Variants in XKR4 observed in about 807,000 individuals in gnomAD.
The protein encoded by XKR4 is XK related 4, also known as XK-related protein 4.
A neutral mutation model predicts 53.9 loss-of-function variants in XKR4; 12 were observed. That is an observed-to-expected ratio of 0.22 (90% CI 0.14 to 0.36). The LOEUF (loss-of-function observed/expected upper bound fraction) is 0.36. Ranked by LOEUF, XKR4 falls within the 10% of genes least tolerant of loss-of-function variation. XKR4 has a pLI of 1.00. For missense variants in XKR4, 799 were observed against 859.5 expected, an observed-to-expected ratio of 0.93 and a Z score of 0.88; for synonymous variants, 354 against 362.4, an observed-to-expected ratio of 0.98 and a Z score of 0.26.
chr8:55,456,476 T>A (rs1208757199), intron 2 of XKR4, among the ~76,000 whole-genome samples: 1 of 151,912 alleles, frequency 6.6e-6, no homozygotes, highest in Non-Finnish European at 1.5e-5. Context: ...AAAAAGAAAT[T>A]GACTCAGAGT....
At chr8:55,395,803 C>T (rs1804508345) in intron 2 of XKR4, among the ~76,000 whole-genome samples, 1 of 152,210 alleles carries the variant, frequency 6.6e-6, no homozygotes, top group African/African-American at 2.4e-5. Flanking sequence ...AGTGAAAAAA[C>T]TGCCTTAAAT....
intron 1 of XKR4, among the ~76,000 whole-genome samples, chr8:55,255,709 A>G (rs1376041182): frequency 6.6e-6 from 1 of 152,206 alleles, no homozygotes; most frequent in East Asian, 1.9e-4. Flanking sequence ...GAAAAACTAC[A>G]CAAATAGGAG....
At chr8:55,383,690 T>A (rs1161351569) in intron 2 of XKR4, among the ~76,000 whole-genome samples, 2 of 152,216 alleles carry the variant, frequency 1.3e-5, no homozygotes, top group Non-Finnish European at 2.9e-5. Flanking sequence ...TTTCATTTAA[T>A]CCTCCCAGTG....
chr8:55,439,589 G>A (rs774758490), intron 2 of XKR4, among the ~76,000 whole-genome samples: 9 of 152,316 alleles, frequency 5.9e-5, no homozygotes, highest in African/African-American at 1.7e-4. Flanking sequence ...AATAAAATTT[G>A]TATGTGTAGA....
chr8:55,236,729 G>C (rs1260860243), intron 1 of XKR4, among the ~76,000 whole-genome samples: 1 of 151,986 alleles, frequency 6.6e-6, no homozygotes, highest in Non-Finnish European at 1.5e-5. Context: ...CTTTTCTCCT[G>C]TTTCTCTTTG....
At chr8:55,243,530 T>A (rs567138642) in intron 1 of XKR4, among the ~76,000 whole-genome samples, 3 of 152,240 alleles carry the variant, frequency 2.0e-5, no homozygotes, top group Non-Finnish European at 4.4e-5. Context: ...GCTATAAACA[T>A]CTGTGTACAA....
chr8:55,142,097 A>G (rs1230140880), intron 1 of XKR4: 1 of 455,970 alleles, frequency 2.2e-6, no homozygotes, highest in African/African-American at 2.0e-5. Flanking sequence ...GCTGCTGGGG[A>G]GTCTTAACTA....
At chr8:55,324,763 CTT>C (rs1164865304) in intron 1 of XKR4, among the ~76,000 whole-genome samples, 1 of 152,138 alleles carries the variant, frequency 6.6e-6, no homozygotes, top group African/African-American at 2.4e-5. Context: ...CAGGAAATAA[CTT>C]TTCCAAGATC....
intron 1 of XKR4, among the ~76,000 whole-genome samples, chr8:55,233,381 C>A (rs1206297485): frequency 2.2e-5 from 3 of 137,482 alleles, no homozygotes; most frequent in Non-Finnish European, 4.9e-5. Flanking sequence ...CTGGGGCCAT[C>A]TGATCTTTTT....
intron 2 of XKR4, among the ~76,000 whole-genome samples, chr8:55,416,219 A>G (rs949859370): frequency 6.6e-6 from 1 of 152,222 alleles, no homozygotes; most frequent in Non-Finnish European, 1.5e-5. Context: ...CATAGGTAAT[A>G]AAGCTACAGA....
At chr8:55,302,941 A>G (rs1166165095) in intron 1 of XKR4, among the ~76,000 whole-genome samples, 1 of 152,236 alleles carries the variant, frequency 6.6e-6, no homozygotes, top group Non-Finnish European at 1.5e-5. Flanking sequence ...GCCATCTGCA[A>G]ACAGGGACAA....
At chr8:55,443,855 G>GAAAAAAAAAAAAAAAAAAA (rs1006244285) in intron 2 of XKR4, among the ~76,000 whole-genome samples, 1 of 29,846 alleles carries the variant, frequency 3.4e-5, no homozygotes, top group Non-Finnish European at 5.8e-5. Flanking sequence ...AAAAAAAAAA[G>GAAAAAAAAAAAAAAAAAAA]AAAGAAAAGA....
chr8:55,293,044 A>AT (rs142074940), intron 1 of XKR4, among the ~76,000 whole-genome samples: 17,376 of 152,060 alleles, frequency 0.11, 1,927 homozygotes, highest in African/African-American at 0.29. Flanking sequence ...TTTAAAATCC[A>AT]TATAGTTTGG....
intron 1 of XKR4, among the ~76,000 whole-genome samples, chr8:55,315,748 G>T (rs565808459): frequency 1.3e-5 from 2 of 152,262 alleles, no homozygotes; most frequent in East Asian, 3.9e-4. Flanking sequence ...AACCCCCAAG[G>T]TGTGTTTAAT....
chr8:55,435,755 A>G (rs961394287), intron 2 of XKR4, among the ~76,000 whole-genome samples: 1 of 151,896 alleles, frequency 6.6e-6, no homozygotes, highest in Non-Finnish European at 1.5e-5. Flanking sequence ...TTTTATTGTG[A>G]TAAGGTCTTG....
rs1805321771 is a variant in XKR4, at chr8:55,444,803, C to T, written c.1007-78478C>T. On this transcript the variant is annotated intron_variant, in intron 2 of 2. Transcript: ENST00000327381. ...ATCATCTATTAAAGTTTAATATACA[C>T]AGCCCCAAAACTCAGCAATTCTTTT... 2.6e-5 allele frequency among the ~76,000 whole-genome samples: 4 copies of T among 152,312 alleles called. No homozygotes were observed. The South Asian group carries it at 8.3e-4, about 32-fold the overall frequency.
intron 1 of XKR4, among the ~76,000 whole-genome samples, chr8:55,247,384 T>C (rs767728645): frequency 9.2e-4 from 140 of 152,246 alleles, no homozygotes; most frequent in Non-Finnish European, 1.7e-3. Flanking sequence ...TAATAGACTT[T>C]ATATGACATT....
chr8:55,364,332 G>C lies in XKR4; in HGVS notation c.1006+6455G>C, dbSNP rs532185873. On this transcript the variant is annotated intron_variant, in intron 2 of 2. Coordinates refer to ENST00000327381, the MANE Select transcript of XKR4 (RefSeq NM_052898.2). ...ACTTTGCCCAGCACATTCCACCCCC[G>C]GGCCCACCGCCTCAGCTGGAAGGAT... Among the ~76,000 whole-genome samples the C allele has an allele frequency of 5.3e-5, 8 of 152,274 alleles. No homozygotes were observed. The East Asian group carries it at 1.5e-3, about 29-fold the overall frequency.
chr8:55,515,795 C>T (rs1426495261), intron 2 of XKR4, among the ~76,000 whole-genome samples: 2 of 152,128 alleles, frequency 1.3e-5, no homozygotes, highest in African/African-American at 2.4e-5. Flanking sequence ...TGAGGCAAAC[C>T]TATTAGGGAG....
Sources: gnomAD v4.1 joint callset for allele counts (sites outside exome capture counted in the v4.1 genomes callset) on GRCh38, gnomAD v4.1.1 for gene constraint, MANE v1.5 for transcripts, NCBI Gene and HGNC (gene_info 2026-07-23, HGNC 2026-07-21) for gene names.